UNC13C: variants seen among roughly 807,000 people sequenced by gnomAD.
UNC13C encodes the protein protein unc-13 homolog C.
UNC13C carries 174 observed loss-of-function variants against 245.4 expected under a neutral mutation model. That is an observed-to-expected ratio of 0.71 (90% CI 0.63 to 0.80). UNC13C has a LOEUF of 0.80. UNC13C is among the 30% of genes least tolerant of loss of function. The pLI is 0.00. For missense variants in UNC13C, 2,829 were observed against 2,602.9 expected, an observed-to-expected ratio of 1.09 and a Z score of -1.89; for synonymous variants, 992 against 895.1, an observed-to-expected ratio of 1.11 and a Z score of -1.93.
At chr15:54,427,971 G>C (rs1013816231) in intron 19 of UNC13C, among the ~76,000 whole-genome samples, 10 of 151,696 alleles carry the variant, frequency 6.6e-5, no homozygotes. Context: ...TTGGTATATA[G>C]GGTTATAGCA....
chr15:54,510,045 T>A (rs1894665714), intron 23 of UNC13C, among the ~76,000 whole-genome samples: 1 of 152,180 alleles, frequency 6.6e-6, no homozygotes, highest in South Asian at 2.1e-4. Context: ...GAGTTGGCAG[T>A]TGACCTTTAT....
chr15:54,014,240 G>A lies in UNC13C; in HGVS notation c.1337G>A (p.Trp446Ter). ...TPEPKIKKNN[W>*]QSPDDSDEDL... ...GAGCCAAAAATCAAGAAGAACAATTGGCAGTCACCTGATGACAGTGATGAA... is the reference window on the plus strand; with the variant it reads ...GAGCCAAAAATCAAGAAGAACAATTAGCAGTCACCTGATGACAGTGATGAA... The change falls in exon 2 of 33, where the codon TGG becomes TAG. Residue 446 changes from tryptophan (W) to a stop codon, truncating the protein, a stop_gained. Transcript: ENST00000260323. LOFTEE classifies it high-confidence loss of function. 1 of 1,613,842 alleles carries A rather than the reference G, an allele frequency of 6.2e-7. No homozygotes were observed. The highest frequency in any genetic ancestry group is 8.5e-7 in the Non-Finnish European group (1 of 1,179,814).
At chr15:53,839,841 C>T in the UNC13C span, among the ~76,000 whole-genome samples, 3,484 of 151,912 alleles carry the variant, frequency 0.023, 140 homozygotes, top group African/African-American at 0.08. Context: ...AATTTTGATA[C>T]GGATGTGTAA....
In UNC13C at chr15:54,015,310, A is replaced by G. The variant is rs1895597857; in HGVS notation, c.2407A>G (p.Arg803Gly). The change falls in exon 2 of 33, where the codon AGG (arginine) becomes GGG (glycine). Residue 803 changes from arginine to glycine, a missense_variant. By Grantham distance (125) the Arg-to-Gly change is moderately radical. Transcript: ENST00000260323. ...CCCAAAATTTGGATCTACACTGCAG[A>G]GGGCTAAATCAGCCTTGGAAGTAGT... ...SFPKFGSTLQ[R>G]AKSALEVVWN... 8.7e-6 allele frequency: 14 copies of G among 1,613,786 alleles called. No individual in the cohort carries two copies. The highest frequency in any genetic ancestry group is 1.1e-5 in the Non-Finnish European group (13 of 1,179,824).
the UNC13C span, among the ~76,000 whole-genome samples, chr15:53,862,620 T>C: frequency 6.6e-6 from 1 of 152,156 alleles, no homozygotes; most frequent in African/African-American, 2.4e-5. Flanking sequence ...AGTTCTTTAA[T>C]GTTTAACTTA....
the UNC13C span, among the ~76,000 whole-genome samples, chr15:53,968,512 G>T: frequency 2.0e-5 from 3 of 152,082 alleles, no homozygotes; most frequent in Non-Finnish European, 4.4e-5. Flanking sequence ...AGGAAAGGGG[G>T]TTCTTAGTAT....
chr15:53,956,769 G>A, the UNC13C span, among the ~76,000 whole-genome samples: 3 of 151,708 alleles, frequency 2.0e-5, no homozygotes, highest in East Asian at 5.8e-4. Flanking sequence ...AGGAATGGAT[G>A]GTGGAAATAG....
chr15:54,617,715 A>G (rs571089272), intron 30 of UNC13C, among the ~76,000 whole-genome samples: 1 of 152,140 alleles, frequency 6.6e-6, no homozygotes, highest in Non-Finnish European at 1.5e-5. Flanking sequence ...GAGTAAAAAA[A>G]GCTTAAGTCA....
chr15:54,013,473 T>G lies in UNC13C; in HGVS notation c.570T>G (p.Ser190Arg). ...GAAAACTGAGAAAATGGAAAAAGAG[T>G]CAAGAATGTGTCTCCTCAGACTCAG... ...ALRKLRKWKK[S>R]QECVSSDSEL... Residue 190 changes from serine (S) to arginine (R), a missense_variant, in exon 2 of 33, where the codon AGT becomes AGG. Transcript: ENST00000260323. The G allele has an allele frequency of 1.9e-6, 3 of 1,613,152 alleles. No individual in the cohort carries two copies. Among genetic ancestry groups the G allele is most frequent in the Non-Finnish European group, 2.5e-6 (3 of 1,179,684 alleles).
chr15:54,396,194 A>G (rs943411295), intron 18 of UNC13C, among the ~76,000 whole-genome samples: 2 of 151,624 alleles, frequency 1.3e-5, no homozygotes, highest in Non-Finnish European at 3.0e-5. Context: ...AATTATTGCT[A>G]TTTTCAAAAT....
intron 4 of UNC13C, among the ~76,000 whole-genome samples, chr15:54,145,742 G>A (rs1162071544): frequency 6.6e-6 from 1 of 152,198 alleles, no homozygotes; most frequent in East Asian, 1.9e-4. Flanking sequence ...AGTTTATGAT[G>A]TTATAGATTC....
At chr15:54,247,266 GC>G (rs1237489692) in intron 7 of UNC13C, among the ~76,000 whole-genome samples, 4 of 151,946 alleles carry the variant, frequency 2.6e-5, no homozygotes, top group Admixed American at 2.6e-4. Context: ...CCCCTGCCAT[GC>G]TTTTATTTAA....
chr15:54,034,057 T>C (rs1472870662), intron 2 of UNC13C, among the ~76,000 whole-genome samples: 1 of 152,202 alleles, frequency 6.6e-6, no homozygotes, highest in African/African-American at 2.4e-5. Context: ...TCTGCGAGCT[T>C]TTGTTCCAGA....
chr15:53,949,319 G>T, the UNC13C span, among the ~76,000 whole-genome samples: 1 of 152,162 alleles, frequency 6.6e-6, no homozygotes, highest in Non-Finnish European at 1.5e-5. Context: ...TGTTGGGTGG[G>T]AGACTTGCAG....
intron 2 of UNC13C, among the ~76,000 whole-genome samples, chr15:54,019,516 C>T (rs898066358): frequency 1.2e-4 from 18 of 152,132 alleles, no homozygotes; most frequent in African/African-American, 3.6e-4. Flanking sequence ...ACTATAACAG[C>T]TGCTTGAAGG....
At chr15:54,551,574 C>A (rs1378205950) in intron 28 of UNC13C, among the ~76,000 whole-genome samples, 1 of 152,020 alleles carries the variant, frequency 6.6e-6, no homozygotes, top group African/African-American at 2.4e-5. Context: ...TTTGTGGTCC[C>A]ATTATTTTCT....
intron 8 of UNC13C, among the ~76,000 whole-genome samples, chr15:54,253,573 G>A (rs9806530): frequency 0.027 from 4,117 of 152,216 alleles, 206 homozygotes; most frequent in African/African-American, 0.096. Flanking sequence ...GCGTCTCGTC[G>A]CCTAAAAAGA....
At chr15:54,087,962 T>C (rs1380491597) in intron 2 of UNC13C, among the ~76,000 whole-genome samples, 3 of 152,116 alleles carry the variant, frequency 2.0e-5, no homozygotes, top group Non-Finnish European at 2.9e-5. Flanking sequence ...AGTCAACATG[T>C]AGACCAAAAT....
chr15:54,452,268 C>T (rs2899541), intron 19 of UNC13C, among the ~76,000 whole-genome samples: 1 of 151,978 alleles, frequency 6.6e-6, no homozygotes, highest in Non-Finnish European at 1.5e-5. Flanking sequence ...TGCTCAGATG[C>T]CAGCAGTGGC....
Sources: gnomAD v4.1 joint callset for allele counts (sites outside exome capture counted in the v4.1 genomes callset) on GRCh38, gnomAD v4.1.1 for gene constraint, MANE v1.5 for transcripts, NCBI Gene and HGNC (gene_info 2026-07-23, HGNC 2026-07-21) for gene names.